Variants in GPSM2 observed in about 807,000 individuals in gnomAD.
GPSM2 encodes the protein G protein signaling modulator 2, also known as G protein-signaling modulator 2.
Under a neutral mutation model 78.4 loss-of-function variants are expected in GPSM2, and 58 were observed. The ratio of observed to expected loss-of-function variants is 0.74; its 90% CI spans 0.60 to 0.92. The LOEUF is 0.92. Ranked by LOEUF, GPSM2 falls within the 40% of genes least tolerant of loss-of-function variation. GPSM2 has a pLI of 0.00. For missense variants in GPSM2, 700 were observed against 815.5 expected (o/e 0.86, Z 1.73); for synonymous variants, 224 against 280.2 (o/e 0.80, Z 2.00).
intron 1 of GPSM2, among the ~76,000 whole-genome samples, chr1:108,882,827 T>C (rs1011476634): frequency 6.6e-6 from 1 of 152,244 alleles, no homozygotes; most frequent in African/African-American, 2.4e-5. Context: ...AGTGGAATTC[T>C]GAACAAAAGG....
At chr1:108,894,864 T>C (rs1180424120) in intron 2 of GPSM2, among the ~76,000 whole-genome samples, 1 of 152,206 alleles carries the variant, frequency 6.6e-6, no homozygotes, top group Non-Finnish European at 1.5e-5. Context: ...TACAATTGGC[T>C]CAGTTTATCT....
intron 1 of GPSM2, 126 bp from the exon 2 acceptor site, chr1:108,885,149 C>CT (rs1245210519): frequency 5.8e-6 from 1 of 171,292 alleles, no homozygotes; most frequent in Non-Finnish European, 1.3e-5. Flanking sequence ...CCTGTGCTAT[C>CT]TTCTGTATTG....
intron 14 of GPSM2, chr1:108,926,990 A>C (rs528304331): frequency 6.6e-6 from 1 of 152,360 alleles, no homozygotes; most frequent in African/African-American, 2.4e-5. Context: ...ATCAACACAA[A>C]AATCAGTTGT....
Position 108,878,213 on chromosome 1 carries a change from C to T in GPSM2, c.-249+985C>T, listed in dbSNP as rs543059742. Among the ~76,000 whole-genome samples the T allele has an allele frequency of 5.3e-5, 8 of 152,192 alleles. No homozygotes were observed. The East Asian group carries it at 1.2e-3, about 22-fold the overall frequency. On this transcript the variant is annotated intron_variant, in intron 1 of 14. Transcript: ENST00000264126. Reference sequence around the variant, plus strand: ...AGTTGATTGTTTAGAAGTGAATAAACAACATTAAAAAGGGTAGATCACTGT... The same window carrying T: ...AGTTGATTGTTTAGAAGTGAATAAATAACATTAAAAAGGGTAGATCACTGT...
intron 1 of GPSM2, chr1:108,882,724 T>C (rs1315748072): frequency 6.6e-6 from 1 of 152,226 alleles, no homozygotes; most frequent in Non-Finnish European, 1.5e-5. Flanking sequence ...CCAGTTTAGC[T>C]GTTTGTGTAA....
intron 13 of GPSM2, among the ~76,000 whole-genome samples, chr1:108,922,895 T>C (rs1176632353): frequency 6.6e-6 from 1 of 152,134 alleles, no homozygotes. Flanking sequence ...CTTGGGAGGC[T>C]GAAGTGGGAG....
chr1:108,904,040 G>C (rs1474499673), intron 9 of GPSM2, 85 bp from the exon 10 acceptor site: 3 of 897,702 alleles, frequency 3.3e-6, no homozygotes, highest in Non-Finnish European at 5.5e-6. Context: ...TTTTCTTCTA[G>C]TTTTAGGTTC....
At chr1:108,878,513 T>C (rs910418836) in intron 1 of GPSM2, among the ~76,000 whole-genome samples, 1 of 152,224 alleles carries the variant, frequency 6.6e-6, no homozygotes, top group Non-Finnish European at 1.5e-5. Context: ...TATTTTAATA[T>C]AGATCTGAGA....
At chr1:108,893,478 G>GT (rs1220450215) in intron 2 of GPSM2, among the ~76,000 whole-genome samples, 2 of 151,896 alleles carry the variant, frequency 1.3e-5, no homozygotes, top group South Asian at 2.1e-4. Flanking sequence ...TTCATTTGTG[G>GT]TTTTTTTGCT....
chr1:108,912,948 A>G (rs1649876112), intron 10 of GPSM2, among the ~76,000 whole-genome samples: 1 of 152,132 alleles, frequency 6.6e-6, no homozygotes. Flanking sequence ...GTACACAAAT[A>G]GCCCATAAAT....
chr1:108,924,486 G>A, intron 14 of GPSM2: 1 of 472,970 alleles, frequency 2.1e-6, no homozygotes, highest in Non-Finnish European at 3.9e-6. Flanking sequence ...GTTGTATTAG[G>A]TAATTATGCT....
intron 2 of GPSM2, among the ~76,000 whole-genome samples, chr1:108,885,853 A>T (rs1557854965): frequency 6.6e-6 from 1 of 152,216 alleles, no homozygotes; most frequent in African/African-American, 2.4e-5. Flanking sequence ...CAAATATGTA[A>T]ATGAAATATG....
chr1:108,884,639 G>T (rs754111380), intron 1 of GPSM2, among the ~76,000 whole-genome samples: 1 of 152,278 alleles, frequency 6.6e-6, no homozygotes, highest in African/African-American at 2.4e-5. Context: ...AAGGAGATGG[G>T]TTAGGTTGGA....
At chr1:108,885,615 C>A (rs752248904) in intron 2 of GPSM2, 37 bp downstream of exon 2, 9 of 1,264,194 alleles carry the variant, frequency 7.1e-6, no homozygotes, top group South Asian at 1.2e-5. Context: ...GACTTTTAAT[C>A]CTTATTTTAA....
intron 12 of GPSM2, among the ~76,000 whole-genome samples, chr1:108,919,002 ATTTC>A (rs1455075800): frequency 4.0e-5 from 6 of 151,670 alleles, no homozygotes; most frequent in African/African-American, 7.3e-5. Flanking sequence ...GACAGTAATT[ATTTC>A]TTTTTCTTTT....
At position 108,904,146 on chromosome 1, in the gene GPSM2, C is replaced by A. The variant is rs763058776; in HGVS notation, c.1084C>A (p.Leu362Ile). ...SREVGDKSGE[L>I]TARLNLSDLQ... is the part of the protein sequence containing the mutation. ...GTAGGTTGGGGATAAAAGTGGTGAA[C>A]TAACAGCACGACTTAATCTCTCAGA... is the stretch of plus-strand genomic sequence containing the variant. Residue 362 changes from leucine to isoleucine, a missense_variant, in exon 10 of 15, where the codon CTA becomes ATA. Leu to Ile is a conservative substitution (Grantham distance 5). Transcript: ENST00000264126. The A allele has an allele frequency of 1.2e-5, 19 of 1,599,908 alleles. No individual in the cohort carries two copies. The South Asian group carries it at 2.0e-4, about 17-fold the overall frequency.
intron 10 of GPSM2, 135 bp downstream of exon 10, chr1:108,904,389 A>G (rs2101444605): frequency 2.5e-6 from 1 of 405,710 alleles, no homozygotes; most frequent in African/African-American, 2.0e-5. Flanking sequence ...TTTGCTGTAC[A>G]CAGCTCTGTT....
At chr1:108,900,025 TA>T (rs1648664626) in intron 7 of GPSM2, among the ~76,000 whole-genome samples, 1 of 152,170 alleles carries the variant, frequency 6.6e-6, no homozygotes, top group Non-Finnish European at 1.5e-5. Flanking sequence ...AGCCAAGGGA[TA>T]TAGAGAAGTC....
chr1:108,897,388 A>T, intron 3 of GPSM2, 104 bp from the exon 4 acceptor site: 1 of 1,109,450 alleles, frequency 9.0e-7, no homozygotes, highest in Non-Finnish European at 1.3e-6. Flanking sequence ...TAAGCATGTC[A>T]GTTTGTCCTC....
Sources: gnomAD v4.1 joint callset for allele counts (sites outside exome capture counted in the v4.1 genomes callset) on GRCh38, gnomAD v4.1.1 for gene constraint, MANE v1.5 for transcripts, NCBI Gene and HGNC (gene_info 2026-07-23, HGNC 2026-07-21) for gene names.